The following PPP1R12B variants were observed in gnomAD, a reference collection of about 807,000 sequenced individuals.
The protein encoded by PPP1R12B is protein phosphatase 1 regulatory subunit 12B.
PPP1R12B carries 76 observed loss-of-function variants against 126.1 expected under a neutral mutation model. The observed-to-expected ratio is 0.60, with a 90% CI of 0.50 to 0.73. The LOEUF (loss-of-function observed/expected upper bound fraction) is 0.73. PPP1R12B is among the 30% of genes least tolerant of loss of function. PPP1R12B has a pLI of 0.00. For synonymous variants in PPP1R12B, 356 were observed against 434.7 expected, an observed-to-expected ratio of 0.82 and a Z score of 2.25; for missense variants, 1,052 against 1,205.1, an observed-to-expected ratio of 0.87 and a Z score of 1.88.
Position 202,439,467 on chromosome 1 carries a change from G to A in PPP1R12B, c.1459-1239G>A, listed in dbSNP as rs866730990. ...CAGCTGGCTGCCCGCCAAGTGCCCC[G>A]GCAAGGGTGCCTGGTCCAGCCCATG... On this transcript the variant is annotated intron_variant, in intron 10 of 23. Transcript: ENST00000608999. 30 of 1,461,832 alleles carry A rather than the reference G, an allele frequency of 2.1e-5. 1 individual carries two copies. In the Middle Eastern group the frequency reaches 3.0e-3, roughly 148 times the overall value. 90.6% of individuals were successfully genotyped at this position (1,461,832 alleles called of 1,614,324 possible).
At chr1:202,377,049 A>G (rs927648398) in intron 1 of PPP1R12B, among the ~76,000 whole-genome samples, 9 of 152,184 alleles carry the variant, frequency 5.9e-5, no homozygotes, top group South Asian at 4.1e-4. Context: ...GATTCTTCCA[A>G]TGTGGCCCAA....
chr1:202,456,104 A>C (rs1354124273), intron 13 of PPP1R12B, among the ~76,000 whole-genome samples: 3 of 151,948 alleles, frequency 2.0e-5, no homozygotes, highest in South Asian at 2.1e-4. Flanking sequence ...TCCCGTCTCT[A>C]ATAAAAATAC....
chr1:202,568,197 C>T (rs1426263287), intron 22 of PPP1R12B, among the ~76,000 whole-genome samples: 1 of 151,866 alleles, frequency 6.6e-6, no homozygotes, highest in Non-Finnish European at 1.5e-5. Flanking sequence ...CACACACACA[C>T]ATCCAAGGTC....
intron 21 of PPP1R12B, among the ~76,000 whole-genome samples, chr1:202,566,518 G>T (rs1688063573): frequency 6.6e-6 from 1 of 152,140 alleles, no homozygotes. Context: ...AACTCTAAGG[G>T]AGTCAACATT....
chr1:202,480,604 A>C (rs1677221771), intron 13 of PPP1R12B, among the ~76,000 whole-genome samples: 1 of 152,252 alleles, frequency 6.6e-6, no homozygotes, highest in Non-Finnish European at 1.5e-5. Context: ...TTAGAATTTT[A>C]GAAAACTTAT....
intron 1 of PPP1R12B, among the ~76,000 whole-genome samples, chr1:202,372,328 A>AC (rs774741614): frequency 1.3e-5 from 2 of 151,882 alleles, no homozygotes; most frequent in Non-Finnish European, 2.9e-5. Flanking sequence ...ACAAAGCAAG[A>AC]CCCCATCTCT....
At chr1:202,575,708 A>G (rs1177345150) in intron 23 of PPP1R12B, 2 of 152,230 alleles carry the variant, frequency 1.3e-5, no homozygotes, top group Admixed American at 6.5e-5. Flanking sequence ...ACATATACAT[A>G]TAGGGATGTC....
At chr1:202,445,771 C>T (rs1672152875) in intron 12 of PPP1R12B, among the ~76,000 whole-genome samples, 1 of 152,082 alleles carries the variant, frequency 6.6e-6, no homozygotes, top group Non-Finnish European at 1.5e-5. Flanking sequence ...GTTGTGGGGG[C>T]AGTATCTTCT....
chr1:202,356,165 A>G (rs923931776), intron 1 of PPP1R12B, among the ~76,000 whole-genome samples: 1 of 152,186 alleles, frequency 6.6e-6, no homozygotes, highest in Non-Finnish European at 1.5e-5. Context: ...TGGGTGACAG[A>G]GCAGAGCAAG....
At chr1:202,358,621 G>A (rs550224630) in intron 1 of PPP1R12B, among the ~76,000 whole-genome samples, 40 of 151,396 alleles carry the variant, frequency 2.6e-4, no homozygotes, top group Non-Finnish European at 4.3e-4. Flanking sequence ...GGTGGAGGTT[G>A]CAGTGAGCCA....
At chr1:202,402,262 A>C (rs554096248) in intron 1 of PPP1R12B, among the ~76,000 whole-genome samples, 6 of 152,288 alleles carry the variant, frequency 3.9e-5, no homozygotes, top group Non-Finnish European at 7.4e-5. Flanking sequence ...GACTTCTCTT[A>C]CCAACAAATC....
chr1:202,464,569 C>T (rs1372405962), intron 13 of PPP1R12B, among the ~76,000 whole-genome samples: 1 of 152,122 alleles, frequency 6.6e-6, no homozygotes, highest in African/African-American at 2.4e-5. Flanking sequence ...GCGACAGGTA[C>T]AAGGTATAAA....
At chr1:202,468,844 C>G (rs1328434117) in intron 13 of PPP1R12B, among the ~76,000 whole-genome samples, 1 of 152,078 alleles carries the variant, frequency 6.6e-6, no homozygotes, top group Non-Finnish European at 1.5e-5. Flanking sequence ...GTCCTAGCTA[C>G]TTGAGAGGCT....
intron 5 of PPP1R12B, 132 bp from the exon 6 acceptor site, chr1:202,428,723 T>C (rs1669853858): frequency 1.4e-6 from 1 of 702,830 alleles, no homozygotes; most frequent in Non-Finnish European, 2.4e-6. Context: ...TAATGTATGG[T>C]AGATTAGTTT....
chr1:202,389,068 G>C (rs2148515096), intron 1 of PPP1R12B, among the ~76,000 whole-genome samples: 1 of 151,990 alleles, frequency 6.6e-6, no homozygotes, highest in African/African-American at 2.4e-5. Flanking sequence ...CTCTACTTGG[G>C]GAAAAAAATT....
chr1:202,559,681 T>A (rs1305658202), intron 19 of PPP1R12B, among the ~76,000 whole-genome samples: 4 of 152,136 alleles, frequency 2.6e-5, no homozygotes, highest in South Asian at 2.1e-4. Flanking sequence ...GCCAAATGAG[T>A]TTCCTTATAA....
intron 10 of PPP1R12B, chr1:202,438,367 A>T: frequency 1.2e-6 from 1 of 848,058 alleles, no homozygotes; most frequent in Non-Finnish European, 1.8e-6. Flanking sequence ...TCCTGGATCC[A>T]GAGGGCCAAT....
chr1:202,392,515 T>G (rs1362473421), intron 1 of PPP1R12B, among the ~76,000 whole-genome samples: 1 of 151,684 alleles, frequency 6.6e-6, no homozygotes, highest in Non-Finnish European at 1.5e-5. Context: ...GATACAGGAC[T>G]TCTTTTTTTT....
chr1:202,356,320 G>A (rs1657092639), intron 1 of PPP1R12B, among the ~76,000 whole-genome samples: 1 of 152,112 alleles, frequency 6.6e-6, no homozygotes, highest in African/African-American at 2.4e-5. Context: ...GGTGAGAGTT[G>A]AAGTAATGAG....
Sources: gnomAD v4.1 joint callset for allele counts (sites outside exome capture counted in the v4.1 genomes callset) on GRCh38, gnomAD v4.1.1 for gene constraint, MANE v1.5 for transcripts, NCBI Gene and HGNC (gene_info 2026-07-23, HGNC 2026-07-21) for gene names.